Variants in CPXM2 observed in about 807,000 individuals in gnomAD.
CPXM2 encodes the protein carboxypeptidase X, M14 family member 2.
A neutral mutation model predicts 86.1 loss-of-function variants in CPXM2; 66 were observed. The observed-to-expected ratio is 0.77, with a 90% confidence interval of 0.63 to 0.94. The LOEUF (loss-of-function observed/expected upper bound fraction) is 0.94. Among genes scored for constraint, CPXM2 ranks in the 40% least tolerant of loss-of-function variants. The pLI, the probability that CPXM2 is intolerant of heterozygous loss-of-function variation, is 0.00. For missense variants in CPXM2, 948 were observed against 1,026.3 expected, an observed-to-expected ratio of 0.92 and a Z score of 1.04; for synonymous variants, 388 against 400.2, an observed-to-expected ratio of 0.97 and a Z score of 0.36.
upstream of CPXM2, among the ~76,000 whole-genome samples, chr10:123,892,210 C>T (rs1434866686): frequency 6.6e-6 from 1 of 152,150 alleles, no homozygotes; most frequent in African/African-American, 2.4e-5. Flanking sequence ...ATTCCGCAGA[C>T]GTGGACTTCC....
At chr10:123,852,267 C>T (rs1848617330) in intron 3 of CPXM2, among the ~76,000 whole-genome samples, 2 of 152,212 alleles carry the variant, frequency 1.3e-5, no homozygotes, top group South Asian at 4.2e-4. Flanking sequence ...ATTTCATCTC[C>T]CCATTAGATT....
At chr10:123,941,469 C>G (rs1784705809), upstream of CPXM2, among the ~76,000 whole-genome samples, 2 of 152,160 alleles carry the variant, frequency 1.3e-5, no homozygotes. Flanking sequence ...GGATTAAAAG[C>G]CCCCCACCAC....
intron 2 of CPXM2, among the ~76,000 whole-genome samples, chr10:123,918,251 G>A (rs1945550704): frequency 2.6e-5 from 4 of 152,186 alleles, no homozygotes; most frequent in African/African-American, 9.7e-5. Context: ...CGAATAGGGA[G>A]AAATTTCAAG....
intron 4 of CPXM2, among the ~76,000 whole-genome samples, chr10:123,806,023 G>C (rs1847571312): frequency 6.6e-6 from 1 of 151,938 alleles, no homozygotes. Flanking sequence ...TCCTACTACT[G>C]TTGTGTGTAG....
At chr10:123,839,610 AC>A (rs1848344190) in intron 4 of CPXM2, among the ~76,000 whole-genome samples, 2 of 152,190 alleles carry the variant, frequency 1.3e-5, no homozygotes, top group South Asian at 2.1e-4. Context: ...AAAAAATGAT[AC>A]CATAGCCATC....
chr10:123,940,673 A>T (rs1945766749), upstream of CPXM2, among the ~76,000 whole-genome samples: 1 of 152,128 alleles, frequency 6.6e-6, no homozygotes, highest in African/African-American at 2.4e-5. Flanking sequence ...CCAGCATTTT[A>T]AACCAACGCT....
At chr10:123,878,298 T>C (rs79595944) in intron 2 of CPXM2, among the ~76,000 whole-genome samples, 935 of 19,508 alleles carry the variant, frequency 0.048, 14 homozygotes, top group African/African-American at 0.18. Context: ...TTTTCTCTCT[T>C]TTTTTTTTTT....
intron 2 of CPXM2, among the ~76,000 whole-genome samples, chr10:123,910,620 T>G (rs141663395): frequency 1.8e-4 from 28 of 152,298 alleles, no homozygotes; most frequent in Non-Finnish European, 3.2e-4. Flanking sequence ...TTTGCATAAG[T>G]GAGTTAGGCA....
chr10:123,846,397 C>T (rs570441524), intron 3 of CPXM2, among the ~76,000 whole-genome samples: 1 of 152,158 alleles, frequency 6.6e-6, no homozygotes, highest in Non-Finnish European at 1.5e-5. Flanking sequence ...GTTTGCGCTC[C>T]TTTGAGCATC....
rs139484700 is a variant in CPXM2 at position 123,862,609 on chromosome 10, G to T, written c.513+5C>A. ...CAAAATCCTTCCAACCACAGGGCCAGGTACCTGGATGTTGAGTCTCCCTCG... is the reference window on the plus strand; with the variant it reads ...CAAAATCCTTCCAACCACAGGGCCATGTACCTGGATGTTGAGTCTCCCTCG... On this transcript the variant is annotated splice_donor_5th_base_variant and intron_variant, in intron 3 of 13. Transcript: ENST00000241305. 8.7e-6 allele frequency: 14 copies of T among 1,613,302 alleles called. No homozygotes were observed. In the East Asian group the frequency reaches 2.9e-4, roughly 33 times the overall value.
At chr10:123,873,171 G>A (rs1944921086) in intron 2 of CPXM2, among the ~76,000 whole-genome samples, 2 of 146,850 alleles carry the variant, frequency 1.4e-5, no homozygotes, top group Admixed American at 6.9e-5. Flanking sequence ...CAAATAATAT[G>A]TGATTAACAA....
chr10:123,788,279 CAAAAAAAA>C (rs55818352), intron 6 of CPXM2, among the ~76,000 whole-genome samples: 1 of 124,248 alleles, frequency 8.0e-6, no homozygotes, highest in South Asian at 2.7e-4. Flanking sequence ...GACCCCATCT[CAAAAAAAA>C]AAAAAAAAAA....
At chr10:123,907,908 A>G (rs1945457209) in intron 2 of CPXM2, among the ~76,000 whole-genome samples, 1 of 152,192 alleles carries the variant, frequency 6.6e-6, no homozygotes, top group South Asian at 2.1e-4. Flanking sequence ...TAAAAAGAAA[A>G]AAGGAAGAGA....
rs537779081 is a variant in CPXM2 at position 123,822,813 on chromosome 10, C to T, written c.653+19536G>A. On this transcript the variant is annotated intron_variant, in intron 4 of 13. Coordinates refer to ENST00000241305, the MANE Select transcript of CPXM2 (RefSeq NM_198148.3). ...AATAACTCAAAGCTTTAGAAGCTTG[C>T]CTACCCTCAGACCTCTACTCTGTAG... is the stretch of plus-strand genomic sequence containing the variant. Among the ~76,000 whole-genome samples the T allele has an allele frequency of 6.6e-5, 10 of 152,070 alleles. No individual in the cohort carries two copies. The South Asian group carries it at 2.1e-3, about 32-fold the overall frequency.
At chr10:123,804,200 T>C (rs1471691532) in intron 4 of CPXM2, among the ~76,000 whole-genome samples, 1 of 152,244 alleles carries the variant, frequency 6.6e-6, no homozygotes, top group Non-Finnish European at 1.5e-5. Context: ...TCTCACTTTG[T>C]TTTTGCTTTT....
intron 7 of CPXM2, 38 bp downstream of exon 7, chr10:123,780,129 C>A (rs570989837): frequency 1.5e-6 from 2 of 1,375,584 alleles, no homozygotes; most frequent in African/African-American, 1.4e-5. Flanking sequence ...GCTTTTTTGA[C>A]AAATTCCTGG....
At chr10:123,847,102 T>C (rs1329147160) in intron 3 of CPXM2, among the ~76,000 whole-genome samples, 2 of 152,194 alleles carry the variant, frequency 1.3e-5, no homozygotes, top group African/African-American at 4.8e-5. Context: ...TACAATTTTA[T>C]TGGAAAGATG....
At chr10:123,877,254 C>A (rs1945003943) in intron 2 of CPXM2, among the ~76,000 whole-genome samples, 1 of 152,104 alleles carries the variant, frequency 6.6e-6, no homozygotes, top group African/African-American at 2.4e-5. Flanking sequence ...AAATTGGAAA[C>A]AACATAAATG....
chr10:123,865,991 C>T lies in CPXM2; in HGVS notation c.404-3268G>A, dbSNP rs1353710981. On this transcript the variant is annotated intron_variant, in intron 2 of 13. Coordinates refer to ENST00000241305, the MANE Select transcript of CPXM2 (RefSeq NM_198148.3). The surrounding 1 kb of genome is among the most constrained non-coding windows in gnomAD (Gnocchi z 4.7). Reference sequence around the variant, plus strand: ...CACAATTTCTCCCTCTCAGCCACTCCTCCACCCCCACACCACACACAGCCC... The same window carrying T: ...CACAATTTCTCCCTCTCAGCCACTCTTCCACCCCCACACCACACACAGCCC... 6.6e-6 allele frequency among the ~76,000 whole-genome samples: 1 copy of T among 152,120 alleles called. No homozygotes were observed. Among genetic ancestry groups the T allele is most frequent in the Non-Finnish European group, 1.5e-5 (1 of 68,016 alleles).
Sources: allele counts gnomAD v4.1 joint callset (sites outside exome capture counted in the v4.1 genomes callset), GRCh38; gene constraint gnomAD v4.1.1; non-coding constraint Gnocchi (gnomAD v3.1); transcripts MANE v1.5; gene names NCBI Gene and HGNC (gene_info 2026-07-23, HGNC 2026-07-21).